MCC: variants seen among roughly 807,000 people sequenced by gnomAD.
MCC encodes colorectal mutant cancer protein.
A neutral mutation model predicts 116.2 loss-of-function variants in MCC; 90 were observed. The ratio of observed to expected loss-of-function variants is 0.77; its 90% confidence interval spans 0.65 to 0.92. The LOEUF (loss-of-function observed/expected upper bound fraction) is 0.92, where lower values mean the gene tolerates loss of function less well. Among genes scored for constraint, MCC ranks in the 40% least tolerant of loss-of-function variants. The pLI is 0.00. For missense variants in MCC, 1,516 were observed against 1,312.2 expected (o/e 1.16, Z -2.40); for synonymous variants, 578 against 510.5 (o/e 1.13, Z -1.78).
At chr5:113,210,627 C>T (rs1763099954) in intron 3 of MCC, among the ~76,000 whole-genome samples, 1 of 152,072 alleles carries the variant, frequency 6.6e-6, no homozygotes, top group African/African-American at 2.4e-5. Context: ...AACCCAGGTA[C>T]TCAGGCAAAC....
intron 1 of MCC, among the ~76,000 whole-genome samples, chr5:113,399,577 C>T (rs1412252827): frequency 6.6e-6 from 1 of 151,880 alleles, no homozygotes; most frequent in Non-Finnish European, 1.5e-5. Flanking sequence ...AAGCTTTTTT[C>T]CCCTCAGAAC....
At chr5:113,037,972 T>C (rs1751432710) in intron 17 of MCC, among the ~76,000 whole-genome samples, 1 of 152,174 alleles carries the variant, frequency 6.6e-6, no homozygotes, top group Non-Finnish European at 1.5e-5. Flanking sequence ...AGCACCCTAA[T>C]CCGAAGTGTG....
At chr5:113,302,652 G>T (rs1339173311) in intron 3 of MCC, among the ~76,000 whole-genome samples, 2 of 152,162 alleles carry the variant, frequency 1.3e-5, no homozygotes, top group African/African-American at 4.8e-5. Context: ...TGGGATTCAT[G>T]TCAAAGTACT....
chr5:113,341,410 C>T (rs749501799), intron 2 of MCC, among the ~76,000 whole-genome samples: 1 of 151,998 alleles, frequency 6.6e-6, no homozygotes, highest in African/African-American at 2.4e-5. Flanking sequence ...GTCTTGAACT[C>T]CTGGGTTCAA....
intron 5 of MCC, among the ~76,000 whole-genome samples, chr5:113,129,333 A>G (rs1758290076): frequency 6.6e-6 from 1 of 152,252 alleles, no homozygotes; most frequent in African/African-American, 2.4e-5. Flanking sequence ...CCATAGAAAG[A>G]GACCAATGAC....
At chr5:113,166,543 A>G (rs1760775806) in intron 3 of MCC, among the ~76,000 whole-genome samples, 1 of 152,154 alleles carries the variant, frequency 6.6e-6, no homozygotes, top group Admixed American at 6.5e-5. Context: ...TTAAATGCAA[A>G]CATCACTCTG....
chr5:113,071,505 G>C (rs1323078555), intron 11 of MCC, among the ~76,000 whole-genome samples: 1 of 152,198 alleles, frequency 6.6e-6, no homozygotes. Context: ...GCAGGGCACA[G>C]TGCTAGGCTC....
intron 3 of MCC, among the ~76,000 whole-genome samples, chr5:113,316,314 A>G (rs1767283499): frequency 6.6e-6 from 1 of 152,114 alleles, no homozygotes; most frequent in Non-Finnish European, 1.5e-5. Flanking sequence ...ATCATAAGTC[A>G]TATTCACAAC....
At chr5:113,134,378 G>T (rs2150279661) in intron 5 of MCC, among the ~76,000 whole-genome samples, 1 of 152,214 alleles carries the variant, frequency 6.6e-6, no homozygotes, top group South Asian at 2.1e-4. Flanking sequence ...TGAGATGACT[G>T]TAGATGAGTA....
chr5:113,178,728 G>A (rs1197766226), intron 3 of MCC, among the ~76,000 whole-genome samples: 3 of 152,058 alleles, frequency 2.0e-5, no homozygotes, highest in Non-Finnish European at 4.4e-5. Context: ...CACTTCCACT[G>A]TCAAAGAATA....
Position 113,413,503 on chromosome 5 carries a change from G to A in MCC, c.171-28291C>T, listed in dbSNP as rs545368586. On this transcript the variant is annotated intron_variant, in intron 1 of 18. Coordinates refer to ENST00000408903, the MANE Select transcript of MCC (RefSeq NM_001085377.2). ...CTTCTTCCTGGTTTAGTCTTGGGAA[G>A]GTGTATGTGTCCAGGAATTTATCTA... Among the ~76,000 whole-genome samples the A allele has an allele frequency of 4.6e-5, 7 of 152,238 alleles. 1 individual carries two copies. The South Asian group carries it at 1.5e-3, about 32-fold the overall frequency.
At chr5:113,132,459 CACACACACACACACACACAT>C (rs1370647106) in intron 5 of MCC, among the ~76,000 whole-genome samples, 23 of 135,602 alleles carry the variant, frequency 1.7e-4, no homozygotes, top group African/African-American at 7.0e-4. Context: ...CACACACACA[CACACACACACACACACACAT>C]ACATATATAT....
At chr5:113,263,739 G>A (rs1475481239) in intron 3 of MCC, among the ~76,000 whole-genome samples, 1 of 152,114 alleles carries the variant, frequency 6.6e-6, no homozygotes, top group Non-Finnish European at 1.5e-5. Context: ...TTACCTACGG[G>A]GGTTATCTCC....
Position 113,252,326 on chromosome 5 carries a change from C to G in MCC, c.627+88193G>C, listed in dbSNP as rs764441731. Among the ~76,000 whole-genome samples the G allele has an allele frequency of 7.2e-5, 11 of 152,204 alleles. 1 individual carries two copies. Among genetic ancestry groups the G allele is most frequent in the Admixed American group, 7.2e-4 (11 of 15,270 alleles). ...GTGAGAGAAGCTTCATCTGTATTTACAGCTGCTCCCCATCACTCACTAACT... is the reference window on the plus strand; with the variant it reads ...GTGAGAGAAGCTTCATCTGTATTTAGAGCTGCTCCCCATCACTCACTAACT... On this transcript the variant is annotated intron_variant, in intron 3 of 18. Transcript: ENST00000408903.
chr5:113,194,724 G>C (rs1428640656), intron 3 of MCC, among the ~76,000 whole-genome samples: 1 of 152,088 alleles, frequency 6.6e-6, no homozygotes, highest in Non-Finnish European at 1.5e-5. Context: ...GGGAAGAGAA[G>C]AGGCCTCCTG....
intron 9 of MCC, 111 bp from the exon 10 acceptor site, chr5:113,084,301 A>AACATTT: frequency 1.3e-6 from 1 of 787,906 alleles, no homozygotes; most frequent in Non-Finnish European, 2.1e-6. Context: ...TAAATGATTA[A>AACATTT]AGAACTTAAG....
At chr5:113,463,229 C>T (rs1021222695) in intron 1 of MCC, among the ~76,000 whole-genome samples, 15 of 151,944 alleles carry the variant, frequency 9.9e-5, no homozygotes, top group African/African-American at 2.4e-5. Context: ...CCTTTTTGGC[C>T]CTGCATGGTT....
intron 1 of MCC, among the ~76,000 whole-genome samples, chr5:113,405,386 A>T (rs1026048907): frequency 2.6e-5 from 4 of 152,252 alleles, no homozygotes; most frequent in Admixed American, 2.6e-4. Flanking sequence ...GGATTTAATT[A>T]CCTGGTAGTT....
intron 1 of MCC, among the ~76,000 whole-genome samples, chr5:113,470,061 G>C (rs1191202603): frequency 6.6e-6 from 1 of 151,708 alleles, no homozygotes; most frequent in Non-Finnish European, 1.5e-5. Flanking sequence ...CCTTTATTTT[G>C]AGCCTATGTG....
Sources: allele counts gnomAD v4.1 joint callset (sites outside exome capture counted in the v4.1 genomes callset), GRCh38; gene constraint gnomAD v4.1.1; transcripts MANE v1.5; gene names NCBI Gene and HGNC (gene_info 2026-07-23, HGNC 2026-07-21).